SGCZ: variants seen among roughly 807,000 people sequenced by gnomAD.
SGCZ encodes the protein zeta-sarcoglycan.
A neutral mutation model predicts 41.3 loss-of-function variants in SGCZ; 40 were observed. That is an observed-to-expected ratio of 0.97 (90% CI 0.75 to 1.26). SGCZ has a LOEUF of 1.26. SGCZ is among the 50% of genes most tolerant of loss of function. The pLI is 0.00. For synonymous variants in SGCZ, 206 were observed against 137.5 expected (o/e 1.50, Z -3.49); for missense variants, 552 against 369.8 (o/e 1.49, Z -4.04).
intron 7 of SGCZ, among the ~76,000 whole-genome samples, chr8:14,096,754 G>A (rs1462188125): frequency 6.6e-6 from 1 of 151,992 alleles, no homozygotes; most frequent in Non-Finnish European, 1.5e-5. Flanking sequence ...TTGGTTGGTA[G>A]GCTATTAATT....
chr8:15,160,206 G>A (rs137880927), intron 1 of SGCZ, among the ~76,000 whole-genome samples: 1 of 152,086 alleles, frequency 6.6e-6, no homozygotes, highest in Non-Finnish European at 1.5e-5. Flanking sequence ...TCAGGGAAGT[G>A]CAATAACACA....
chr8:14,104,051 G>T (rs114104214), intron 6 of SGCZ, among the ~76,000 whole-genome samples: 2,503 of 152,166 alleles, frequency 0.016, 71 homozygotes, highest in African/African-American at 0.056. Flanking sequence ...ACTGAGGAGG[G>T]TTTCACAGAC....
chr8:14,531,556 A>C (rs1395833235), intron 2 of SGCZ, among the ~76,000 whole-genome samples: 2 of 152,110 alleles, frequency 1.3e-5, no homozygotes, highest in Admixed American at 1.3e-4. Context: ...AGTAGGTGGC[A>C]GTCCAGAAGT....
chr8:14,400,403 A>G (rs1418747077), intron 2 of SGCZ, among the ~76,000 whole-genome samples: 1 of 152,116 alleles, frequency 6.6e-6, no homozygotes, highest in African/African-American at 2.4e-5. Context: ...CTATTCACAA[A>G]GTTGCTACCA....
chr8:15,009,693 G>A (rs1802759387), intron 1 of SGCZ, among the ~76,000 whole-genome samples: 1 of 152,050 alleles, frequency 6.6e-6, no homozygotes, highest in Non-Finnish European at 1.5e-5. Flanking sequence ...TAACTCTCAG[G>A]CTCCTGAAAG....
At chr8:14,811,584 A>C (rs1368849211) in intron 1 of SGCZ, among the ~76,000 whole-genome samples, 1 of 111,474 alleles carries the variant, frequency 9.0e-6, no homozygotes, top group African/African-American at 3.4e-5. Flanking sequence ...GTTATGGGAG[A>C]GGGCCAGAAA....
intron 1 of SGCZ, among the ~76,000 whole-genome samples, chr8:15,152,057 G>A (rs1023591828): frequency 1.3e-5 from 2 of 152,086 alleles, no homozygotes; most frequent in African/African-American, 2.4e-5. Flanking sequence ...AATAAAAGGG[G>A]TGTTTTATTA....
chr8:14,471,287 T>C (rs957245889), intron 2 of SGCZ, among the ~76,000 whole-genome samples: 1 of 152,160 alleles, frequency 6.6e-6, no homozygotes, highest in Non-Finnish European at 1.5e-5. Context: ...CACATAATAG[T>C]GAATAATTTG....
intron 1 of SGCZ, among the ~76,000 whole-genome samples, chr8:14,994,033 G>A (rs926133905): frequency 1.3e-5 from 2 of 152,198 alleles, no homozygotes; most frequent in Non-Finnish European, 2.9e-5. Context: ...GGCTGGATGC[G>A]AGTCATGGCT....
At chr8:14,453,568 G>A (rs1384448338) in intron 2 of SGCZ, among the ~76,000 whole-genome samples, 2 of 152,060 alleles carry the variant, frequency 1.3e-5, no homozygotes, top group African/African-American at 2.4e-5. Context: ...TCTTCTTATC[G>A]GTCCCCCAGT....
intron 1 of SGCZ, among the ~76,000 whole-genome samples, chr8:14,592,153 T>C (rs1805261620): frequency 6.6e-6 from 1 of 152,166 alleles, no homozygotes; most frequent in African/African-American, 2.4e-5. Flanking sequence ...AATCAGTTGT[T>C]TTTCATTTGT....
At chr8:14,898,035 A>T (rs1260029388) in intron 1 of SGCZ, among the ~76,000 whole-genome samples, 1 of 152,104 alleles carries the variant, frequency 6.6e-6, no homozygotes, top group African/African-American at 2.4e-5. Flanking sequence ...TCACGAACAG[A>T]TGTGTTTAGT....
chr8:14,692,414 A>G (rs1346775906), intron 1 of SGCZ, among the ~76,000 whole-genome samples: 2 of 152,252 alleles, frequency 1.3e-5, no homozygotes, highest in East Asian at 3.9e-4. Flanking sequence ...TTTATTTTAT[A>G]TACACATATC....
At chr8:15,158,830 G>T (rs1013173728) in intron 1 of SGCZ, among the ~76,000 whole-genome samples, 1 of 152,168 alleles carries the variant, frequency 6.6e-6, no homozygotes, top group Non-Finnish European at 1.5e-5. Flanking sequence ...CAGGGAGAAA[G>T]ATCCTAGAAA....
intron 5 of SGCZ, among the ~76,000 whole-genome samples, chr8:14,145,209 AC>A (rs1301720352): frequency 1.3e-5 from 2 of 151,778 alleles, no homozygotes; most frequent in East Asian, 1.9e-4. Flanking sequence ...GTATTACTCT[AC>A]CCCCAGCTTC....
At chr8:14,135,322 T>C (rs887997495) in intron 5 of SGCZ, among the ~76,000 whole-genome samples, 1 of 152,224 alleles carries the variant, frequency 6.6e-6, no homozygotes, top group African/African-American at 2.4e-5. Context: ...TTGTTTATAA[T>C]TATCTTCTTT....
chr8:14,615,868 A>C (rs578151105), intron 1 of SGCZ, among the ~76,000 whole-genome samples: 1 of 152,264 alleles, frequency 6.6e-6, no homozygotes, highest in East Asian at 1.9e-4. Context: ...ATCCCATTCA[A>C]TTCTATCCTG....
At chr8:14,530,522 A>C (rs555236180) in intron 2 of SGCZ, among the ~76,000 whole-genome samples, 10 of 152,220 alleles carry the variant, frequency 6.6e-5, no homozygotes, top group African/African-American at 2.2e-4. Context: ...CCATCATTTA[A>C]ATGTATCACA....
At chr8:14,838,124 G>A (rs566630815) in intron 1 of SGCZ, among the ~76,000 whole-genome samples, 31 of 152,072 alleles carry the variant, frequency 2.0e-4, no homozygotes, top group Non-Finnish European at 4.0e-4. Context: ...ACTCATATGC[G>A]GGATAGAGAG....
Sources: gnomAD v4.1 joint callset for allele counts (sites outside exome capture counted in the v4.1 genomes callset) on GRCh38, gnomAD v4.1.1 for gene constraint, MANE v1.5 for transcripts, NCBI Gene and HGNC (gene_info 2026-07-23, HGNC 2026-07-21) for gene names.